Variants in KLHL5 observed in about 807,000 individuals in gnomAD.
KLHL5 encodes kelch like family member 5.
A neutral mutation model predicts 77.7 loss-of-function variants in KLHL5; 48 were observed. The observed-to-expected ratio is 0.62, with a 90% confidence interval of 0.49 to 0.79. The LOEUF (loss-of-function observed/expected upper bound fraction) is 0.79, where lower values mean the gene tolerates loss of function less well. Ranked by LOEUF, KLHL5 falls within the 30% of genes least tolerant of loss-of-function variation. KLHL5 has a pLI of 0.00. For missense variants in KLHL5, 723 were observed against 859.7 expected (o/e 0.84, Z 1.99); for synonymous variants, 260 against 297.0 (o/e 0.88, Z 1.28).
chr4:39,094,837 T>C (rs992755234), intron 5 of KLHL5, among the ~76,000 whole-genome samples: 3 of 152,096 alleles, frequency 2.0e-5, no homozygotes, highest in Admixed American at 2.0e-4. Context: ...TCATACTCTA[T>C]TTAAACATTA....
At chr4:39,059,484 C>T (rs1225820240), upstream of KLHL5, among the ~76,000 whole-genome samples, 3 of 152,144 alleles carry the variant, frequency 2.0e-5, no homozygotes, top group African/African-American at 4.8e-5. Flanking sequence ...CGGTGGCTCA[C>T]GCCTGTAATC....
In KLHL5 at chr4:39,124,324, G is replaced by A. The variant is rs890428991; in HGVS notation, c.*3258G>A. Among the ~76,000 whole-genome samples the A allele has an allele frequency of 3.3e-5, 5 of 152,128 alleles. No homozygotes were observed. The highest frequency in any genetic ancestry group is 7.4e-5 in the Non-Finnish European group (5 of 68,004). ...GAAAAGCTGACCCTAGAATTTATAT[G>A]GGATTGCAAGTTACTGAAGGTACTC... On this transcript the variant is annotated 3_prime_UTR_variant, in exon 11 of 11. Transcript: ENST00000504108.
chr4:39,051,067 A>C (rs1000959768), intron 1 of KLHL5, among the ~76,000 whole-genome samples: 2 of 152,136 alleles, frequency 1.3e-5, no homozygotes. Context: ...TATACTACCT[A>C]GCTCTGCTCT....
chr4:39,112,982 A>C, intron 8 of KLHL5, 38 bp from the exon 9 acceptor site: 1 of 1,561,436 alleles, frequency 6.4e-7, no homozygotes, highest in Non-Finnish European at 8.8e-7. Context: ...GCATAATGGC[A>C]CATGTCTTAT....
intron 8 of KLHL5, among the ~76,000 whole-genome samples, chr4:39,110,583 C>T (rs1577735618): frequency 6.6e-6 from 1 of 152,112 alleles, no homozygotes; most frequent in East Asian, 1.9e-4. Context: ...ACACCTCAGC[C>T]TCCTGAGTAG....
In KLHL5 at chr4:39,122,901, T is replaced by C. The variant is rs1012198350; in HGVS notation, c.*1835T>C. 6.6e-6 allele frequency among the ~76,000 whole-genome samples: 1 copy of C among 152,106 alleles called. No individual in the cohort carries two copies. The highest frequency in any genetic ancestry group is 1.5e-5 in the Non-Finnish European group (1 of 68,012). On this transcript the variant is annotated 3_prime_UTR_variant, in exon 11 of 11. Coordinates refer to ENST00000504108, the MANE Select transcript of KLHL5 (RefSeq NM_015990.5). Reference sequence around the variant, plus strand: ...AAAGAGGGTTTATGCTCTATAGTAATAAAATTTACCAGTAACACCCAATCA... The same window carrying C: ...AAAGAGGGTTTATGCTCTATAGTAACAAAATTTACCAGTAACACCCAATCA...
chr4:39,142,458 C>T, the KLHL5 span, among the ~76,000 whole-genome samples: 3 of 151,834 alleles, frequency 2.0e-5, no homozygotes, highest in Admixed American at 6.6e-5. Context: ...GTCAGTACTT[C>T]TGAAAGAGTA....
At chr4:39,130,056 G>A (rs112433182), downstream of KLHL5, among the ~76,000 whole-genome samples, 6 of 152,116 alleles carry the variant, frequency 3.9e-5, no homozygotes, top group South Asian at 2.1e-4. Context: ...AGACTAGCTC[G>A]GTCGGGGAGA....
chr4:39,119,488 C>T (rs985961707), intron 10 of KLHL5, among the ~76,000 whole-genome samples: 4 of 151,980 alleles, frequency 2.6e-5, no homozygotes, highest in African/African-American at 7.2e-5. Context: ...CAGGAGGCTG[C>T]GGCATGAGAA....
At chr4:39,095,471 A>G (rs1402648579) in intron 5 of KLHL5, among the ~76,000 whole-genome samples, 3 of 152,096 alleles carry the variant, frequency 2.0e-5, no homozygotes, top group African/African-American at 4.8e-5. Flanking sequence ...ACATACATAC[A>G]TATATACTTT....
At chr4:39,106,844 T>G (rs1281181317) in intron 7 of KLHL5, among the ~76,000 whole-genome samples, 1 of 151,906 alleles carries the variant, frequency 6.6e-6, no homozygotes, top group Non-Finnish European at 1.5e-5. Context: ...CTGAAACTCC[T>G]GAGTTCAGGG....
In KLHL5 at chr4:39,062,573, C is replaced by G; in HGVS notation, c.-80C>G. ...GTTGTGTACAGCAGGGCATATACTT[C>G]TCTTGTCTTGGTTGGATGCACAAAT... On this transcript the variant is annotated 5_prime_UTR_variant, in exon 1 of 11. Transcript: ENST00000504108. The G allele has an allele frequency of 6.2e-7, 1 of 1,614,064 alleles. No individual in the cohort carries two copies. The highest frequency in any genetic ancestry group is 8.5e-7 in the Non-Finnish European group (1 of 1,179,954).
rs139725699 is a variant in KLHL5, at chr4:39,119,385, G to A, written c.2074-1625G>A. Among the ~76,000 whole-genome samples, 442 of 152,254 alleles carry A rather than the reference G, an allele frequency of 2.9e-3. 4 individuals carry two copies. The highest frequency in any genetic ancestry group is 9.9e-3 in the African/African-American group (410 of 41,546). On this transcript the variant is annotated intron_variant, in intron 10 of 10. Transcript: ENST00000504108. ...GTGGTTTGCCTGAGCTCAGGAGTTCGAGACAGCCTGGGCAACATGGTAAAG... is the reference window on the plus strand; with the variant it reads ...GTGGTTTGCCTGAGCTCAGGAGTTCAAGACAGCCTGGGCAACATGGTAAAG...
chr4:39,115,421 C>T, intron 10 of KLHL5, 91 bp downstream of exon 10: 2 of 1,568,560 alleles, frequency 1.3e-6, no homozygotes, highest in Non-Finnish European at 1.7e-6. Flanking sequence ...TTGTCCAATA[C>T]TGAAATATAT....
At chr4:39,110,562 A>C (rs1722381556) in intron 8 of KLHL5, among the ~76,000 whole-genome samples, 1 of 152,066 alleles carries the variant, frequency 6.6e-6, no homozygotes, top group Admixed American at 6.6e-5. Context: ...TCCCAGGCTC[A>C]AGCTATCCTC....
chr4:39,090,417 G>A (rs1261324062), intron 5 of KLHL5, among the ~76,000 whole-genome samples: 2 of 148,854 alleles, frequency 1.3e-5, no homozygotes, highest in Non-Finnish European at 3.0e-5. Flanking sequence ...GCCTGTGATT[G>A]TAATCCTCTA....
the KLHL5 span, among the ~76,000 whole-genome samples, chr4:39,134,336 A>C: frequency 6.6e-6 from 1 of 152,234 alleles, no homozygotes; most frequent in Non-Finnish European, 1.5e-5. Flanking sequence ...TATGTGACAG[A>C]CACTGTACTA....
intron 1 of KLHL5, among the ~76,000 whole-genome samples, chr4:39,064,581 A>T (rs1717721241): frequency 6.6e-6 from 1 of 152,148 alleles, no homozygotes; most frequent in Non-Finnish European, 1.5e-5. Flanking sequence ...CTACTGGAGA[A>T]ATTATAATGT....
chr4:39,099,988 C>T (rs1318935309), intron 6 of KLHL5, among the ~76,000 whole-genome samples: 14 of 152,122 alleles, frequency 9.2e-5, no homozygotes, highest in Non-Finnish European at 1.8e-4. Flanking sequence ...CTCTTTTTCT[C>T]TCCTTTTCAA....
Sources: allele counts gnomAD v4.1 joint callset (sites outside exome capture counted in the v4.1 genomes callset), GRCh38; gene constraint gnomAD v4.1.1; transcripts MANE v1.5; gene names NCBI Gene and HGNC (gene_info 2026-07-23, HGNC 2026-07-21).